ZFP28: variants seen among roughly 807,000 people sequenced by gnomAD.
ZFP28 encodes the protein ZFP28 zinc finger protein.
A neutral mutation model predicts 39.5 loss-of-function variants in ZFP28; 31 were observed. The observed-to-expected ratio is 0.79, with a 90% CI of 0.59 to 1.06. The LOEUF (loss-of-function observed/expected upper bound fraction) is 1.06. Ranked by LOEUF, ZFP28 falls within the 50% of genes least tolerant of loss-of-function variation. The pLI is 0.00. For synonymous variants in ZFP28, 400 were observed against 378.6 expected (o/e 1.06, Z -0.66); for missense variants, 925 against 1,048.4 (o/e 0.88, Z 1.63).
chr19:56,555,440 A>C lies in ZFP28; in HGVS notation c.*48A>C, dbSNP rs1387936464. 7.8e-6 allele frequency: 12 copies of C among 1,533,908 alleles called. No homozygotes were observed. Among genetic ancestry groups the C allele is most frequent in the Non-Finnish European group, 9.6e-6 (11 of 1,144,598 alleles). ...GACTACTCCAGCAGTTTAAAACCCC[A>C]TCTCCCTGCCCTTTTGTTTTCTTTT... is the stretch of plus-strand genomic sequence containing the variant. On this transcript the variant is annotated 3_prime_UTR_variant, in exon 8 of 8. Transcript: ENST00000301318.
Position 56,547,651 on chromosome 19 carries a change from C to G in ZFP28, c.427+17C>G. The stretch of plus-strand genomic sequence containing the variant: ...CATCGCTGGGTAAGGGCTCCCACCC[C>G]TTTTCCCACCCCTCACCCTACCCAC... On this transcript the variant is annotated intron_variant, in intron 3 of 7. Coordinates refer to ENST00000301318, the MANE Select transcript of ZFP28 (RefSeq NM_020828.2). This position sits in a 1 kb window ranked among gnomAD's most constrained non-coding sequence, Gnocchi z 4.6. The G allele has an allele frequency of 6.3e-7, 1 of 1,599,708 alleles. No individual in the cohort carries two copies. The highest frequency in any genetic ancestry group is 8.5e-7 in the Non-Finnish European group (1 of 1,172,492).
chr19:56,550,635 T>C (rs760730846), intron 7 of ZFP28, 30 bp downstream of exon 7: 22 of 1,612,800 alleles, frequency 1.4e-5, no homozygotes, highest in Non-Finnish European at 1.8e-5. Flanking sequence ...GTGTGGAAAA[T>C]CTACTGCAAG....
Position 56,549,008 on chromosome 19 carries a change from T to C in ZFP28, c.574T>C (p.Cys192Arg), listed in dbSNP as rs2044268503. 3.1e-6 allele frequency: 5 copies of C among 1,613,998 alleles called. No homozygotes were observed. The highest frequency in any genetic ancestry group is 2.7e-5 in the African/African-American group (2 of 74,940). Residue 192 changes from cysteine (C) to arginine (R), a missense_variant, in exon 5 of 8, where the codon TGC becomes CGC. Coordinates refer to ENST00000301318, the MANE Select transcript of ZFP28 (RefSeq NM_020828.2). ...GGAGTTACCTCTCAAGAAGGACTTC[T>C]GCGAAGGAAAGCTATCCCAGGCAGT... ...IKELPLKKDFCEGKLSQAVIT... is the reference protein window; with the variant it reads ...IKELPLKKDFREGKLSQAVIT...
At position 56,547,608 on chromosome 19, in the gene ZFP28, A is replaced by AG; in HGVS notation, c.402dup (p.Asn135GlufsTer14). ...AACTTGTACAGGAAGGTGATGTTGG[A>AG]GAACTACAGGAACCTGGCATCGCTG... On this transcript the variant is annotated frameshift_variant, in exon 3 of 8. Coordinates refer to ENST00000301318, the MANE Select transcript of ZFP28 (RefSeq NM_020828.2). LOFTEE classifies it high-confidence loss of function. This position sits in a 1 kb window ranked among gnomAD's most constrained non-coding sequence, Gnocchi z 4.6. The AG allele has an allele frequency of 6.2e-7, 1 of 1,613,150 alleles. No homozygotes were observed. The highest frequency in any genetic ancestry group is 8.5e-7 in the Non-Finnish European group (1 of 1,179,470).
chr19:56,543,346 A>G, intron 2 of ZFP28, among the ~76,000 whole-genome samples: 1 of 146,620 alleles, frequency 6.8e-6, no homozygotes, highest in Non-Finnish European at 1.5e-5. Context: ...TATATTATAT[A>G]TGTATATTTT....
chr19:56,550,328 G>A (rs2147959695), intron 6 of ZFP28, 147 bp downstream of exon 6: 4 of 948,380 alleles, frequency 4.2e-6, no homozygotes, highest in South Asian at 3.4e-5. Flanking sequence ...TTTGGCATTT[G>A]TAGAGGTGAA....
At chr19:56,550,345 TG>T (rs1303875766) in intron 6 of ZFP28, 164 bp downstream of exon 6, 2 of 892,814 alleles carry the variant, frequency 2.2e-6, no homozygotes, top group Non-Finnish European at 3.4e-6. Context: ...TGAAAGTTGG[TG>T]TCTTTGTTAG....
intron 1 of ZFP28, 65 bp downstream of exon 1, chr19:56,539,291 G>A: frequency 6.7e-7 from 1 of 1,486,484 alleles, no homozygotes; most frequent in Non-Finnish European, 9.0e-7. Flanking sequence ...TGAGATCTGG[G>A]AGGGGGTTGG....
At chr19:56,539,789 T>C in intron 2 of ZFP28, 73 bp downstream of exon 2, 1 of 1,431,156 alleles carries the variant, frequency 7.0e-7, no homozygotes, top group African/African-American at 1.4e-5. Context: ...CTTATTTTCT[T>C]GAAAGTTTTC....
intron 7 of ZFP28, chr19:56,550,926 A>G: frequency 7.0e-7 from 1 of 1,421,988 alleles, no homozygotes; most frequent in Non-Finnish European, 9.1e-7. Context: ...TTCTGTGGTT[A>G]AATGGCCTAT....
upstream of ZFP28, chr19:56,538,904 C>T (rs1051657872): frequency 2.3e-5 from 22 of 959,594 alleles, no homozygotes; most frequent in African/African-American, 2.3e-4. Flanking sequence ...CCAGTGGATG[C>T]CGGGCCATGG....
Position 56,553,686 on chromosome 19 carries a change from C to T in ZFP28, c.901C>T (p.Gln301Ter), listed in dbSNP as rs763766286. Residue 301 changes from glutamine to a stop codon, truncating the protein, a stop_gained and splice_region_variant, in exon 8 of 8, where the codon CAG (glutamine) becomes TAG (stop). Transcript: ENST00000301318. LOFTEE classifies it low-confidence loss of function (END_TRUNC). The stretch of plus-strand genomic sequence containing the variant: ...TGTGTTTTCTTGGTATCTTTCAGGC[C>T]AGCGATCTGTACATGAGACCCAGGA... The part of the protein sequence containing the change: ...RELTGSLFSG[Q>*]RSVHETQELF... The T allele has an allele frequency of 6.4e-7, 1 of 1,573,990 alleles. No homozygotes were observed.
At position 56,547,701 on chromosome 19, in the gene ZFP28, G is replaced by T; in HGVS notation, c.427+67G>T. 4 of 1,569,830 alleles carry T rather than the reference G, an allele frequency of 2.5e-6. No individual in the cohort carries two copies. Among genetic ancestry groups the T allele is most frequent in the Non-Finnish European group, 3.5e-6 (4 of 1,153,574 alleles). Reference sequence around the variant, plus strand: ...CGTCCTGGACTAAGAAGCCTTTCATGCCTTTATCACCCAGACCTGCACTGC... The same window carrying T: ...CGTCCTGGACTAAGAAGCCTTTCATTCCTTTATCACCCAGACCTGCACTGC... On this transcript the variant is annotated intron_variant, in intron 3 of 7. Coordinates refer to ENST00000301318, the MANE Select transcript of ZFP28 (RefSeq NM_020828.2). This position sits in a 1 kb window ranked among gnomAD's most constrained non-coding sequence, Gnocchi z 4.6.
rs768038633 is a variant in ZFP28 at position 56,554,978 on chromosome 19, T to C, written c.2193T>C (p.Cys731=). 1 of 1,614,154 alleles carries C rather than the reference T, an allele frequency of 6.2e-7. No homozygotes were observed. The highest frequency in any genetic ancestry group is 8.5e-7 in the Non-Finnish European group (1 of 1,180,036). ...ACACTGGCCAAAGACCTTATGAATG[T>C]ATTGAGTGTGGAAAGGCATTCAAGA... ...RLHTGQRPYE[C]IECGKAFKTK... The change falls in exon 8 of 8, where the codon TGT becomes TGC. Residue 731 remains cysteine, a synonymous_variant. Transcript: ENST00000301318. This position sits in a 1 kb window ranked among gnomAD's most constrained non-coding sequence, Gnocchi z 6.7.
chr19:56,539,550 G>C (rs2044175571), intron 1 of ZFP28, 75 bp from the exon 2 acceptor site: 1 of 1,282,400 alleles, frequency 7.8e-7, no homozygotes, highest in African/African-American at 1.5e-5. Context: ...TTTTCATGCA[G>C]GAAGGGACGT....
chr19:56,540,549 G>A (rs1433006398), intron 2 of ZFP28, among the ~76,000 whole-genome samples: 1 of 152,182 alleles, frequency 6.6e-6, no homozygotes, highest in Non-Finnish European at 1.5e-5. Context: ...GTGGGTTACT[G>A]TGATCTTCAC....
chr19:56,545,165 C>T (rs2044229638), intron 2 of ZFP28, among the ~76,000 whole-genome samples: 1 of 152,196 alleles, frequency 6.6e-6, no homozygotes, highest in African/African-American at 2.4e-5. Flanking sequence ...TTGGCTGTTT[C>T]CTGCAAGTAT....
At position 56,548,990 on chromosome 19, in the gene ZFP28, C is replaced by A; in HGVS notation, c.556C>A (p.Pro186Thr). 1 of 1,613,968 alleles carries A rather than the reference C, an allele frequency of 6.2e-7. No individual in the cohort carries two copies. Among genetic ancestry groups the A allele is most frequent in the Non-Finnish European group, 8.5e-7 (1 of 1,179,976 alleles). Residue 186 changes from proline (P) to threonine (T), a missense_variant, in exon 5 of 8, where the codon CCT becomes ACT. Around this residue, in one of 2 missense-constraint regions of ZFP28, gnomAD observed 556 missense variants for 542.9 expected, o/e 1.02. Transcript: ENST00000301318. ...GGCTGTGTGGAAGATCAAGGAGTTA[C>A]CTCTCAAGAAGGACTTCTGCGAAGG... is the stretch of plus-strand genomic sequence containing the variant. ...LKAVWKIKEL[P>T]LKKDFCEGKL...
rs368147719 is a variant in ZFP28 at position 56,549,567 on chromosome 19, C to T, written c.687+446C>T. Among the ~76,000 whole-genome samples the T allele has an allele frequency of 4.6e-3, 701 of 152,176 alleles. 6 individuals carry two copies. Among genetic ancestry groups the T allele is most frequent in the African/African-American group, 0.016 (649 of 41,526 alleles). On this transcript the variant is annotated intron_variant, in intron 5 of 7. Transcript: ENST00000301318. Reference sequence around the variant, plus strand: ...TGGCGGGCGCCTGTAGTCCCAGCTACTCAGGAGGCTGAGGCAGGAGAATGG... The same window carrying T: ...TGGCGGGCGCCTGTAGTCCCAGCTATTCAGGAGGCTGAGGCAGGAGAATGG...
Sources: allele counts gnomAD v4.1 joint callset (sites outside exome capture counted in the v4.1 genomes callset), GRCh38; gene constraint gnomAD v4.1.1; regional missense constraint gnomAD v4.1.1; non-coding constraint Gnocchi (gnomAD v3.1); transcripts MANE v1.5; gene names NCBI Gene and HGNC (gene_info 2026-07-23, HGNC 2026-07-21).